DNAH14: variants seen among roughly 807,000 people sequenced by gnomAD.
DNAH14 encodes dynein axonemal heavy chain 14, also known as axonemal beta dynein heavy chain 14.
In DNAH14, 478 loss-of-function variants were observed where a neutral mutation model predicts 520.9. That is an observed-to-expected ratio of 0.92 (90% CI 0.85 to 0.99). The LOEUF is 0.99. DNAH14 is among the 50% of genes least tolerant of loss of function. The probability of loss-of-function intolerance (pLI) is 0.00; values close to 1 mark genes in which losing one functional copy is unlikely to be tolerated. For missense variants in DNAH14, 4,831 were observed against 5,234.5 expected, an observed-to-expected ratio of 0.92 and a Z score of 2.38; for synonymous variants, 1,581 against 1,757.2, an observed-to-expected ratio of 0.90 and a Z score of 2.51.
At chr1:224,941,387 T>C (rs1458404705) in intron 1 of DNAH14, among the ~76,000 whole-genome samples, 4 of 152,194 alleles carry the variant, frequency 2.6e-5, no homozygotes, top group African/African-American at 9.7e-5. Context: ...TCTTGTAAAT[T>C]TGTTTGACTT....
At chr1:225,012,354 T>G (rs2064844322) in intron 10 of DNAH14, among the ~76,000 whole-genome samples, 1 of 152,114 alleles carries the variant, frequency 6.6e-6, no homozygotes, top group Non-Finnish European at 1.5e-5. Context: ...TGCAGGTAAC[T>G]CAACCTTTCT....
intron 74 of DNAH14, 118 bp from the exon 75 acceptor site, chr1:225,360,563 G>C: frequency 1.0e-6 from 1 of 983,006 alleles, no homozygotes. Flanking sequence ...AAAACCTGTA[G>C]TCTTTCCGCT....
rs2093130545 is a variant in DNAH14 at position 225,266,667 on chromosome 1, T to A, written c.7437T>A (p.Asn2479Lys). The change falls in exon 49 of 86, where the codon AAT (asparagine) becomes AAA (lysine). Residue 2479 changes from asparagine (N) to lysine (K), a missense_variant. Transcript: ENST00000682510. ...TTCTAATATTTATTGATGATATGAA[T>A]ATGCCAGTATCAGATATGTATGGAG... Reference protein sequence around the residue: ...NRILIFIDDMNMPVSDMYGAQ... With the variant: ...NRILIFIDDMKMPVSDMYGAQ... 2 of 1,505,854 alleles carry A rather than the reference T, an allele frequency of 1.3e-6. No individual in the cohort carries two copies. The highest frequency in any genetic ancestry group is 1.8e-6 in the Non-Finnish European group (2 of 1,132,538). The allele number at this position is 1,505,854 out of a possible 1,614,324, so 93.3% of individuals were successfully genotyped here. A position where few individuals can be genotyped will look rare whatever the true frequency, so the allele number is the denominator to read the frequency against.
Position 225,337,358 on chromosome 1 carries a change from G to T in DNAH14, c.10173G>T (p.Leu3391=). 1 of 1,551,650 alleles carries T rather than the reference G, an allele frequency of 6.4e-7. No homozygotes were observed. Among genetic ancestry groups the T allele is most frequent in the Non-Finnish European group, 8.7e-7 (1 of 1,146,974 alleles). Reference sequence around the variant, plus strand: ...AGAATGGCCAGCAGTGGCCACTGCTGATTGACCCACATAGGCAAGCTCACA... The same window carrying T: ...AGAATGGCCAGCAGTGGCCACTGCTTATTGACCCACATAGGCAAGCTCACA... ...LIKNGQQWPL[L]IDPHRQAHKW... is the part of the protein sequence containing the mutation. The change falls in exon 67 of 86, where the codon CTG becomes CTT. Residue 3391 remains leucine (L), a synonymous_variant. Transcript: ENST00000682510.
rs1216019304 is a variant in DNAH14, at chr1:225,259,163, T to C, written c.7067T>C (p.Leu2356Pro). 6.5e-7 allele frequency: 1 copy of C among 1,547,036 alleles called. No homozygotes were observed. The highest frequency in any genetic ancestry group is 8.7e-7 in the Non-Finnish European group (1 of 1,145,662). The change falls in exon 46 of 86, where the codon CTT becomes CCT. Residue 2356 changes from leucine (L) to proline (P), a missense_variant. Physicochemically the swap from Leu to Pro is moderately conservative, Grantham distance 98. Transcript: ENST00000682510. ...AAAACTGCTGCCATTAATCAAATGCTTGAAAAGCTAGAGGGTCCAGGAGCA... is the reference window on the plus strand; with the variant it reads ...AAAACTGCTGCCATTAATCAAATGCCTGAAAAGCTAGAGGGTCCAGGAGCA... ...VGKTAAINQM[L>P]EKLEGPGAFD... is the part of the protein sequence containing the mutation.
intron 11 of DNAH14, among the ~76,000 whole-genome samples, chr1:225,024,866 A>C (rs556816126): frequency 6.6e-6 from 1 of 152,270 alleles, no homozygotes; most frequent in East Asian, 1.9e-4. Flanking sequence ...TATTATAGCA[A>C]ATTTGGAAAA....
At chr1:224,967,985 T>A (rs2061292833) in intron 6 of DNAH14, 1 of 1,022,436 alleles carries the variant, frequency 9.8e-7, no homozygotes, top group South Asian at 4.6e-5. Context: ...TTATATAGCA[T>A]TTTGATATTT....
At chr1:225,011,704 T>A (rs57889280) in intron 10 of DNAH14, among the ~76,000 whole-genome samples, 8,207 of 151,840 alleles carry the variant, frequency 0.054, 460 homozygotes, top group East Asian at 0.23. Flanking sequence ...TGTCTTTTTT[T>A]AATCTTTATT....
At chr1:225,269,517 G>C (rs1329717954) in intron 49 of DNAH14, among the ~76,000 whole-genome samples, 2 of 152,172 alleles carry the variant, frequency 1.3e-5, no homozygotes, top group African/African-American at 4.8e-5. Flanking sequence ...CACAGCAAAA[G>C]AAACTACCAT....
At chr1:225,294,783 C>T (rs909364965) in intron 55 of DNAH14, among the ~76,000 whole-genome samples, 22 of 151,382 alleles carry the variant, frequency 1.5e-4, no homozygotes, top group Non-Finnish European at 3.1e-4. Context: ...GAGATGGTAC[C>T]ACTGCACTCC....
intron 8 of DNAH14, among the ~76,000 whole-genome samples, chr1:224,985,427 G>A (rs1558600120): frequency 6.6e-6 from 1 of 152,088 alleles, no homozygotes; most frequent in Admixed American, 6.6e-5. Context: ...GGACACAAAA[G>A]CATAAGAATG....
intron 3 of DNAH14, among the ~76,000 whole-genome samples, chr1:224,959,738 T>C (rs779307818): frequency 2.4e-4 from 36 of 152,174 alleles, no homozygotes; most frequent in Non-Finnish European, 4.3e-4. Context: ...TTATTTCATG[T>C]GAGGATTCAC....
chr1:225,210,116 T>C (rs989789100), intron 41 of DNAH14, among the ~76,000 whole-genome samples: 7 of 147,486 alleles, frequency 4.7e-5, no homozygotes, highest in African/African-American at 1.7e-4. Flanking sequence ...TTTTTCTTCG[T>C]ACCCCAGTGG....
chr1:225,001,869 G>A (rs1422288223), intron 8 of DNAH14, among the ~76,000 whole-genome samples: 1 of 152,044 alleles, frequency 6.6e-6, no homozygotes, highest in Non-Finnish European at 1.5e-5. Context: ...ATTCTTCTAT[G>A]ACTAGGAGTA....
In DNAH14 at chr1:225,265,279, C is replaced by G; in HGVS notation, c.7320C>G (p.Thr2440=). The G allele has an allele frequency of 6.5e-7, 1 of 1,544,182 alleles. No homozygotes were observed. The highest frequency in any genetic ancestry group is 1.4e-5 in the African/African-American group (1 of 72,514). ...GVVVSTINFS[T]NVTAAKTKEM... is the part of the protein sequence containing the mutation. The stretch of plus-strand genomic sequence containing the variant: ...TAGTCTCTACAATAAATTTTAGCAC[C>G]AATGTAACAGCTGCCAAAACCAAGG... Residue 2440 remains threonine, a synonymous_variant, in exon 48 of 86, where the codon ACC becomes ACG. Coordinates refer to ENST00000682510, the MANE Select transcript of DNAH14 (RefSeq NM_001367479.1).
At chr1:225,251,199 G>T (rs988527150) in intron 43 of DNAH14, among the ~76,000 whole-genome samples, 10 of 150,082 alleles carry the variant, frequency 6.7e-5, no homozygotes, top group African/African-American at 2.5e-4. Flanking sequence ...TTGAGATGGA[G>T]TCTTGCTCTT....
intron 75 of DNAH14, 42 bp downstream of exon 75, chr1:225,360,933 C>T (rs774800381): frequency 3.3e-6 from 5 of 1,515,384 alleles, no homozygotes; most frequent in Non-Finnish European, 4.5e-6. Context: ...AGATTGGTTA[C>T]CAAAACTATA....
chr1:225,287,235 G>A (rs150713048), intron 54 of DNAH14, among the ~76,000 whole-genome samples: 29 of 152,272 alleles, frequency 1.9e-4, no homozygotes, highest in African/African-American at 6.7e-4. Context: ...CATTTTGGAG[G>A]TCTGGTAATC....
chr1:225,086,295 G>A (rs1289849191), intron 21 of DNAH14, among the ~76,000 whole-genome samples: 3 of 86,864 alleles, frequency 3.5e-5, no homozygotes, highest in African/African-American at 2.9e-5. Context: ...ACGACGCCCG[G>A]CTAATTGTTT....
Sources: allele counts gnomAD v4.1 joint callset (sites outside exome capture counted in the v4.1 genomes callset), GRCh38; gene constraint gnomAD v4.1.1; transcripts MANE v1.5; gene names NCBI Gene and HGNC (gene_info 2026-07-23, HGNC 2026-07-21).